Variants in CTNNA3 observed in about 807,000 individuals in gnomAD.
The protein encoded by CTNNA3 is catenin alpha 3, also known as catenin alpha-3.
In CTNNA3, 76 loss-of-function variants were observed where a neutral mutation model predicts 95.7. The observed-to-expected ratio is 0.79, with a 90% confidence interval of 0.66 to 0.96. The LOEUF is 0.96. CTNNA3 is among the 40% of genes least tolerant of loss of function. CTNNA3 has a pLI of 0.00. For synonymous variants in CTNNA3, 431 were observed against 374.4 expected (o/e 1.15, Z -1.74); for missense variants, 1,191 against 1,089.8 (o/e 1.09, Z -1.31).
intron 11 of CTNNA3, among the ~76,000 whole-genome samples, chr10:66,457,408 C>T (rs1283611080): frequency 3.3e-5 from 5 of 151,964 alleles, no homozygotes; most frequent in Non-Finnish European, 2.9e-5. Flanking sequence ...TATCAAAAGG[C>T]TGGTGAGAAT....
Position 66,575,671 on chromosome 10 carries a change from T to C in CTNNA3, c.1374+46021A>G, listed in dbSNP as rs190504422. Reference sequence around the variant, plus strand: ...AGCTCTCTCTAAACTCCAAAGCCTGTGCTCTTCCCATTTATTCCATTCTGC... The same window carrying C: ...AGCTCTCTCTAAACTCCAAAGCCTGCGCTCTTCCCATTTATTCCATTCTGC... On this transcript the variant is annotated intron_variant, in intron 10 of 17. Transcript: ENST00000433211. Among the ~76,000 whole-genome samples, 379 of 152,288 alleles carry C rather than the reference T, an allele frequency of 2.5e-3. 1 individual carries two copies. Among genetic ancestry groups the C allele is most frequent in the African/African-American group, 8.6e-3 (359 of 41,558 alleles).
intron 7 of CTNNA3, among the ~76,000 whole-genome samples, chr10:67,032,608 T>C (rs1212528969): frequency 6.6e-6 from 1 of 152,232 alleles, no homozygotes; most frequent in Non-Finnish European, 1.5e-5. Context: ...GTTATTGATG[T>C]AATTTCTACA....
intron 9 of CTNNA3, among the ~76,000 whole-genome samples, chr10:66,686,346 C>A (rs12267694): frequency 0.12 from 17,891 of 152,164 alleles, 1,213 homozygotes; most frequent in Middle Eastern, 0.19. Flanking sequence ...ACCTGTCAGC[C>A]CAGCTCCTTG....
intron 9 of CTNNA3, among the ~76,000 whole-genome samples, chr10:66,634,510 A>G (rs996669940): frequency 6.6e-6 from 1 of 151,856 alleles, no homozygotes; most frequent in Non-Finnish European, 1.5e-5. Context: ...AAATCATACC[A>G]GCCAATATTG....
chr10:67,351,240 A>G (rs1431267628), intron 5 of CTNNA3, among the ~76,000 whole-genome samples: 3 of 151,838 alleles, frequency 2.0e-5, no homozygotes, highest in African/African-American at 7.2e-5. Context: ...AGATAAGAGA[A>G]TATTAGAGGA....
At chr10:65,929,402 C>T (rs1287490677) in intron 17 of CTNNA3, among the ~76,000 whole-genome samples, 4 of 152,076 alleles carry the variant, frequency 2.6e-5, no homozygotes, top group Non-Finnish European at 5.9e-5. Flanking sequence ...AATACAAAGC[C>T]TGGGGAGAAA....
chr10:66,569,430 A>G (rs1842803894), intron 10 of CTNNA3, among the ~76,000 whole-genome samples: 1 of 152,210 alleles, frequency 6.6e-6, no homozygotes, highest in African/African-American at 2.4e-5. Context: ...GATGAAGCAT[A>G]ATATGCAACA....
chr10:67,441,212 A>G (rs1340740562), intron 5 of CTNNA3, among the ~76,000 whole-genome samples: 2 of 151,974 alleles, frequency 1.3e-5, no homozygotes, highest in African/African-American at 4.8e-5. Flanking sequence ...ATCAGAAGAA[A>G]GAATCAGTGA....
At chr10:66,055,456 T>G (rs2080061708) in intron 15 of CTNNA3, among the ~76,000 whole-genome samples, 1 of 152,182 alleles carries the variant, frequency 6.6e-6, no homozygotes, top group African/African-American at 2.4e-5. Flanking sequence ...TTCCTGGGTA[T>G]TTTATTTTAT....
chr10:65,961,801 C>T (rs1418936889), intron 17 of CTNNA3, among the ~76,000 whole-genome samples: 1 of 151,788 alleles, frequency 6.6e-6, no homozygotes, highest in African/African-American at 2.4e-5. Flanking sequence ...TCTGGAAGGT[C>T]CCTTTCAAAG....
intron 7 of CTNNA3, among the ~76,000 whole-genome samples, chr10:67,087,074 T>C (rs903602582): frequency 6.6e-6 from 1 of 152,080 alleles, no homozygotes; most frequent in East Asian, 1.9e-4. Flanking sequence ...TTTTGAGCCA[T>C]AGTTTCAATT....
chr10:66,885,105 G>A (rs1216440618), intron 7 of CTNNA3, among the ~76,000 whole-genome samples: 5 of 152,134 alleles, frequency 3.3e-5, no homozygotes, highest in Admixed American at 1.3e-4. Context: ...TCACTGGCAA[G>A]ATGAGACTAC....
chr10:66,708,866 G>C (rs1320595036), intron 9 of CTNNA3, among the ~76,000 whole-genome samples: 2 of 152,080 alleles, frequency 1.3e-5, no homozygotes, highest in Non-Finnish European at 2.9e-5. Flanking sequence ...CATTTATAGA[G>C]AGTTAATCAT....
intron 7 of CTNNA3, among the ~76,000 whole-genome samples, chr10:66,790,831 G>A (rs960205951): frequency 2.0e-5 from 3 of 152,172 alleles, no homozygotes; most frequent in East Asian, 1.9e-4. Flanking sequence ...CCACCAAAAC[G>A]TGGATCCCCT....
intron 5 of CTNNA3, among the ~76,000 whole-genome samples, chr10:67,262,952 T>A (rs1016296317): frequency 2.0e-5 from 3 of 152,116 alleles, no homozygotes; most frequent in African/African-American, 7.2e-5. Context: ...AGAAAATATT[T>A]AAAAAGGAAG....
chr10:66,038,232 C>T (rs2079607265), intron 15 of CTNNA3, among the ~76,000 whole-genome samples: 1 of 152,126 alleles, frequency 6.6e-6, no homozygotes, highest in Admixed American at 6.6e-5. Flanking sequence ...GAATTCTGAG[C>T]CCATGGATAT....
At chr10:67,216,996 A>T (rs1321472602) in intron 6 of CTNNA3, among the ~76,000 whole-genome samples, 2 of 152,224 alleles carry the variant, frequency 1.3e-5, no homozygotes, top group Admixed American at 6.5e-5. Context: ...GTTCCAATTC[A>T]ACTTCTATTT....
chr10:67,237,189 T>C (rs1192213963), intron 5 of CTNNA3, among the ~76,000 whole-genome samples: 1 of 123,014 alleles, frequency 8.1e-6, no homozygotes, highest in African/African-American at 2.9e-5. Flanking sequence ...CACAATGGAA[T>C]ACTACTCAGT....
In CTNNA3 at chr10:66,848,100, G is replaced by A. The variant is rs1461786000; in HGVS notation, c.1048-72576C>T. Among the ~76,000 whole-genome samples the A allele has an allele frequency of 3.3e-5, 5 of 152,078 alleles. No individual in the cohort carries two copies. The South Asian group carries it at 6.2e-4, about 19-fold the overall frequency. On this transcript the variant is annotated intron_variant, in intron 7 of 17. Transcript: ENST00000433211. ...TGGTAAAAATGAGAGAAACAGCAGC[G>A]GATTATCATGGATGAGATTAGGGTA...
Sources: gnomAD v4.1 joint callset for allele counts (sites outside exome capture counted in the v4.1 genomes callset) on GRCh38, gnomAD v4.1.1 for gene constraint, MANE v1.5 for transcripts, NCBI Gene and HGNC (gene_info 2026-07-23, HGNC 2026-07-21) for gene names.